Variants in SDHAF3 observed in about 807,000 individuals in gnomAD.
SDHAF3 encodes the protein succinate dehydrogenase complex assembly factor 3.
A neutral mutation model predicts 11.5 loss-of-function variants in SDHAF3; 18 were observed. That is an observed-to-expected ratio of 1.56 (90% CI 1.08 to 2.32). The LOEUF (loss-of-function observed/expected upper bound fraction) is 2.32. Ranked by LOEUF, SDHAF3 falls within the 30% of genes most tolerant of loss-of-function variation. The pLI is 0.00. For missense variants in SDHAF3, 200 were observed against 154.4 expected (o/e 1.30, Z -1.57); for synonymous variants, 72 against 59.3 (o/e 1.21, Z -0.99).
intron 1 of SDHAF3, among the ~76,000 whole-genome samples, chr7:97,160,211 G>T (rs1188447369): frequency 7.1e-6 from 1 of 140,026 alleles, no homozygotes; most frequent in Non-Finnish European, 1.5e-5. Flanking sequence ...GAGCGCCCCT[G>T]CCCGGCCGCC....
chr7:97,148,930 C>CTTT (rs36056301), intron 1 of SDHAF3, among the ~76,000 whole-genome samples: 2 of 139,304 alleles, frequency 1.4e-5, no homozygotes, highest in Non-Finnish European at 1.6e-5. Context: ...AGATTTGTGT[C>CTTT]TTTTTTTTTT....
At chr7:97,145,967 A>G (rs1048243180) in intron 1 of SDHAF3, among the ~76,000 whole-genome samples, 2 of 152,134 alleles carry the variant, frequency 1.3e-5, no homozygotes, top group African/African-American at 4.8e-5. Flanking sequence ...TTCTTACTAC[A>G]ATAAAATATA....
chr7:97,142,288 C>T (rs963297729), intron 1 of SDHAF3, among the ~76,000 whole-genome samples: 8 of 151,802 alleles, frequency 5.3e-5, no homozygotes, highest in African/African-American at 1.5e-4. Context: ...CTCCTGACCT[C>T]GTGATCTGCC....
chr7:97,162,938 A>G (rs1465172801), intron 1 of SDHAF3, among the ~76,000 whole-genome samples: 1 of 152,036 alleles, frequency 6.6e-6, no homozygotes, highest in Non-Finnish European at 1.5e-5. Context: ...CAACTCCTGA[A>G]TATCCTTGTT....
chr7:97,180,728 T>G (rs1250133629), intron 1 of SDHAF3, among the ~76,000 whole-genome samples: 1 of 152,168 alleles, frequency 6.6e-6, no homozygotes, highest in Non-Finnish European at 1.5e-5. Context: ...TTGAGGTGGT[T>G]TATGCATGCT....
intron 1 of SDHAF3, among the ~76,000 whole-genome samples, chr7:97,160,568 C>T (rs1399305950): frequency 1.3e-5 from 2 of 152,210 alleles, no homozygotes; most frequent in East Asian, 3.9e-4. Context: ...AAAAATTCTT[C>T]TGCCTTGGGA....
In SDHAF3 at chr7:97,181,368, G is replaced by T. The variant is rs1468420235; in HGVS notation, c.*153G>T. 4 of 552,426 alleles carry T rather than the reference G, an allele frequency of 7.2e-6. No homozygotes were observed. The highest frequency in any genetic ancestry group is 1.9e-5 in the African/African-American group (1 of 52,132). The allele number at this position is 552,426 out of a possible 1,614,324, so 34.2% of individuals were successfully genotyped here. ...ATTATGATTGCAGTATATGGATCAA[G>T]ATCACTAGTGACAATTGAAAAAAAC... is the stretch of plus-strand genomic sequence containing the variant. On this transcript the variant is annotated 3_prime_UTR_variant, in exon 2 of 2. Transcript: ENST00000432641.
At chr7:97,164,533 C>T (rs1789471642) in intron 1 of SDHAF3, among the ~76,000 whole-genome samples, 1 of 151,900 alleles carries the variant, frequency 6.6e-6, no homozygotes, top group Admixed American at 6.6e-5. Flanking sequence ...TGCGCCACAA[C>T]ACCCGGCCAA....
At chr7:97,142,712 G>A (rs1562823710) in intron 1 of SDHAF3, 2 of 151,980 alleles carry the variant, frequency 1.3e-5, no homozygotes, top group Admixed American at 6.6e-5. Context: ...AAAGGAGACA[G>A]TATTTAAGGA....
In SDHAF3 at chr7:97,117,718, G is replaced by A; in HGVS notation, c.-6G>A. 1 of 1,609,874 alleles carries A rather than the reference G, an allele frequency of 6.2e-7. No individual in the cohort carries two copies. The highest frequency in any genetic ancestry group is 8.5e-7 in the Non-Finnish European group (1 of 1,177,756). On this transcript the variant is annotated 5_prime_UTR_variant, in exon 1 of 2. Coordinates refer to ENST00000432641, the MANE Select transcript of SDHAF3 (RefSeq NM_020186.3). ...CAGGCGCAGTCGGCGGTCGGCGTGG[G>A]GCGCTATGCCGGGGCGGCACGTTTC...
At chr7:97,153,338 T>A (rs554235816) in intron 1 of SDHAF3, among the ~76,000 whole-genome samples, 1 of 152,348 alleles carries the variant, frequency 6.6e-6, no homozygotes, top group South Asian at 2.1e-4. Flanking sequence ...CTGCTTTTAT[T>A]TGGTAATATG....
At chr7:97,123,528 G>T (rs949524054) in intron 1 of SDHAF3, among the ~76,000 whole-genome samples, 2 of 152,138 alleles carry the variant, frequency 1.3e-5, no homozygotes, top group Non-Finnish European at 2.9e-5. Context: ...GGATTGCTGG[G>T]TCAAATGGTA....
chr7:97,118,570 T>G (rs1290626905), intron 1 of SDHAF3, among the ~76,000 whole-genome samples: 1 of 146,414 alleles, frequency 6.8e-6, no homozygotes, highest in Admixed American at 6.9e-5. Context: ...TTTTTTTGAG[T>G]AAAGGAAAAA....
At chr7:97,156,407 G>C (rs1789301693) in intron 1 of SDHAF3, among the ~76,000 whole-genome samples, 1 of 152,116 alleles carries the variant, frequency 6.6e-6, no homozygotes, top group Non-Finnish European at 1.5e-5. Flanking sequence ...TGTGGCTGAT[G>C]AGCTTGCACT....
chr7:97,178,394 T>G (rs1158023376), intron 1 of SDHAF3, among the ~76,000 whole-genome samples: 1 of 152,208 alleles, frequency 6.6e-6, no homozygotes, highest in Non-Finnish European at 1.5e-5. Context: ...TACCTATGAG[T>G]GCATTTGCTG....
At chr7:97,171,477 T>G (rs1282585448) in intron 1 of SDHAF3, among the ~76,000 whole-genome samples, 1 of 152,128 alleles carries the variant, frequency 6.6e-6, no homozygotes, top group African/African-American at 2.4e-5. Context: ...TAATTCTGAT[T>G]GTGACAGCAT....
At chr7:97,128,466 G>A (rs951665260) in intron 1 of SDHAF3, among the ~76,000 whole-genome samples, 1 of 152,044 alleles carries the variant, frequency 6.6e-6, no homozygotes, top group Non-Finnish European at 1.5e-5. Context: ...CTGGAAGACA[G>A]GTGTATGTTT....
chr7:97,146,995 C>T (rs1198938303), intron 1 of SDHAF3, among the ~76,000 whole-genome samples: 2 of 152,148 alleles, frequency 1.3e-5, no homozygotes, highest in African/African-American at 2.4e-5. Context: ...CCCACCTCAG[C>T]CTTCCAAAGT....
chr7:97,154,396 A>G (rs535529084), intron 1 of SDHAF3, among the ~76,000 whole-genome samples: 5 of 152,306 alleles, frequency 3.3e-5, no homozygotes, highest in Admixed American at 1.3e-4. Flanking sequence ...ACTAGTGATG[A>G]TGAACATCTT....
Sources: gnomAD v4.1 joint callset for allele counts (sites outside exome capture counted in the v4.1 genomes callset) on GRCh38, gnomAD v4.1.1 for gene constraint, MANE v1.5 for transcripts, NCBI Gene and HGNC (gene_info 2026-07-23, HGNC 2026-07-21) for gene names.